The following COPA variants were observed in gnomAD, a reference collection of about 807,000 sequenced individuals.
COPA encodes coatomer subunit alpha.
Under a neutral mutation model 158.7 loss-of-function variants are expected in COPA, and 10 were observed. That is an observed-to-expected ratio of 0.06 (90% CI 0.04 to 0.11). COPA has a LOEUF of 0.11. Among genes scored for constraint, COPA ranks in the 10% least tolerant of loss-of-function variants. The probability of loss-of-function intolerance (pLI) is 1.00; values close to 1 mark genes in which losing one functional copy is unlikely to be tolerated. For synonymous variants in COPA, 462 were observed against 542.8 expected, an observed-to-expected ratio of 0.85 and a Z score of 2.07; for missense variants, 1,065 against 1,536.7, an observed-to-expected ratio of 0.69 and a Z score of 5.13.
Position 160,335,621 on chromosome 1 carries a change from T to C in COPA, c.229-299A>G, listed in dbSNP as rs556599615. On this transcript the variant is annotated intron_variant, in intron 3 of 32. Transcript: ENST00000241704. The stretch of plus-strand genomic sequence containing the variant: ...TTTTCAGGCTGGGCGTGGTCACTCA[T>C]GCCTGTAATCCCAGCACTTTGGGAG... Among the ~76,000 whole-genome samples the C allele has an allele frequency of 2.2e-3, 336 of 152,222 alleles. 1 individual carries two copies. Among genetic ancestry groups the C allele is most frequent in the Non-Finnish European group, 3.5e-3 (237 of 68,012 alleles).
intron 14 of COPA, among the ~76,000 whole-genome samples, chr1:160,306,924 AG>A (rs1168801017): frequency 6.6e-6 from 1 of 152,198 alleles, no homozygotes; most frequent in Non-Finnish European, 1.5e-5. Flanking sequence ...TGTAGTCAAG[AG>A]TGACTTTAGC....
chr1:160,319,267 T>G (rs1221352685), intron 8 of COPA, among the ~76,000 whole-genome samples: 1 of 151,600 alleles, frequency 6.6e-6, no homozygotes, highest in Non-Finnish European at 1.5e-5. Context: ...CTACCAAACC[T>G]AAGATTGTAA....
chr1:160,335,279 CCAAG>C lies in COPA; in HGVS notation c.268_271del (p.Leu90GlyfsTer3). On this transcript the variant is annotated frameshift_variant, in exon 4 of 33. Transcript: ENST00000241704. LOFTEE classifies it high-confidence loss of function. ...CGTGGTGCGAATATAATCTAAGTGC[CCAAG>C]CAATGTGAAAAGACAGCGCCGAAGC... The C allele has an allele frequency of 6.2e-7, 1 of 1,611,282 alleles. No individual in the cohort carries two copies. Among genetic ancestry groups the C allele is most frequent in the African/African-American group, 1.3e-5 (1 of 74,838 alleles).
In COPA at chr1:160,309,989, G is replaced by T. The variant is rs1218233790; in HGVS notation, c.1143+203C>A. On this transcript the variant is annotated intron_variant, in intron 12 of 32. Transcript: ENST00000241704. ...GATGCTCCATTAAGTTCAGCTTTAG[G>T]AAAGATAGGCAGTTCACAAATGCTC... 2.0e-5 allele frequency among the ~76,000 whole-genome samples: 3 copies of T among 152,112 alleles called. No individual in the cohort carries two copies. The East Asian group carries it at 5.8e-4, about 29-fold the overall frequency.
Position 160,289,051 on chromosome 1 carries a change from ACCTCCGCCTCCCGGGTTCAAGCAAT to A in COPA, c.*1081_*1105del, listed in dbSNP as rs1215470857. 1.3e-5 allele frequency among the ~76,000 whole-genome samples: 2 copies of A among 151,190 alleles called. No homozygotes were observed. Among genetic ancestry groups the A allele is most frequent in the Admixed American group, 6.6e-5 (1 of 15,196 alleles). ...GGTGGCGCGATCTCAGCTTACTGCA[ACCTCCGCCTCCCGGGTTCAAGCAAT>A]CCTCTGCCTCAGCCTCCAGAGTAGC... On this transcript the variant is annotated 3_prime_UTR_variant, in exon 33 of 33. Coordinates refer to ENST00000241704, the MANE Select transcript of COPA (RefSeq NM_004371.4).
In COPA at chr1:160,302,674, C is replaced by T. The variant is rs183995772; in HGVS notation, c.1667+2759G>A. ...GGTTCATGCCATTCTCCTGCATCAG[C>T]CTCCTGAGCAGCTGGGACTACAGGC... On this transcript the variant is annotated intron_variant, in intron 17 of 32. Coordinates refer to ENST00000241704, the MANE Select transcript of COPA (RefSeq NM_004371.4). 3.2e-3 allele frequency among the ~76,000 whole-genome samples: 478 copies of T among 151,570 alleles called. 11 individuals carry two copies. The highest frequency in any genetic ancestry group is 0.027 in the Admixed American group (416 of 15,216).
intron 8 of COPA, among the ~76,000 whole-genome samples, chr1:160,316,268 G>A (rs2101850092): frequency 6.6e-6 from 1 of 152,124 alleles, no homozygotes; most frequent in East Asian, 1.9e-4. Context: ...TGAGGCAGGA[G>A]AATCACTTGA....
At chr1:160,293,363 G>A (rs375029208) in intron 26 of COPA, 23 bp downstream of exon 26, 14 of 1,612,916 alleles carry the variant, frequency 8.7e-6, no homozygotes, top group African/African-American at 5.3e-5. Flanking sequence ...CATCCCTGCC[G>A]TGCTAGGTTT....
At chr1:160,321,775 G>A (rs188292339) in intron 8 of COPA, among the ~76,000 whole-genome samples, 14 of 152,142 alleles carry the variant, frequency 9.2e-5, no homozygotes, top group South Asian at 4.1e-4. Context: ...GCAATAGAGC[G>A]AGATCCTGTC....
intron 11 of COPA, 181 bp from the exon 12 acceptor site, chr1:160,310,439 T>G (rs779237035): frequency 4.3e-4 from 174 of 403,958 alleles, no homozygotes; most frequent in Non-Finnish European, 6.3e-4. Context: ...GCAACTTCCC[T>G]AGCTCAGCTT....
chr1:160,329,910 C>A (rs528910940), intron 6 of COPA, among the ~76,000 whole-genome samples: 8 of 152,132 alleles, frequency 5.3e-5, no homozygotes, highest in African/African-American at 1.9e-4. Flanking sequence ...GTCAGGAGTT[C>A]GAGACTAGCC....
Position 160,295,827 on chromosome 1 carries a change from G to T in COPA, c.2385C>A (p.Leu795=). The T allele has an allele frequency of 6.2e-7, 1 of 1,612,896 alleles. No individual in the cohort carries two copies. The highest frequency in any genetic ancestry group is 1.1e-5 in the South Asian group (1 of 90,764). The change falls in exon 23 of 33, where the codon CTC becomes CTA. Residue 795 remains leucine, a synonymous_variant. Coordinates refer to ENST00000241704, the MANE Select transcript of COPA (RefSeq NM_004371.4). ...ATGGCATGATAGGTGCAGGTGGCTG[G>T]AGCAGCTTGGCATTAGGGTCAATGT... is the stretch of plus-strand genomic sequence containing the variant. ...IPDIDPNAKL[L]QPPAPIMPLD...
At chr1:160,324,444 C>T (rs1659428653) in intron 7 of COPA, among the ~76,000 whole-genome samples, 1 of 147,402 alleles carries the variant, frequency 6.8e-6, no homozygotes, top group African/African-American at 2.6e-5. Context: ...GTGAGCACCA[C>T]CACGCCCAGC....
chr1:160,332,937 T>A (rs900577580), intron 5 of COPA, among the ~76,000 whole-genome samples: 3 of 152,188 alleles, frequency 2.0e-5, no homozygotes, highest in African/African-American at 7.2e-5. Context: ...TTGTTATTAT[T>A]TTTTTGAGAT....
chr1:160,290,946 C>A (rs534936529), intron 31 of COPA, among the ~76,000 whole-genome samples: 1 of 152,314 alleles, frequency 6.6e-6, no homozygotes, highest in African/African-American at 2.4e-5. Context: ...TTATCAGGGT[C>A]AGGTCCTAGA....
chr1:160,307,016 G>T, intron 14 of COPA, 147 bp downstream of exon 14: 1 of 776,358 alleles, frequency 1.3e-6, no homozygotes, highest in Admixed American at 1.8e-5. Flanking sequence ...AGGGCTTAGT[G>T]TAGGGCTAGA....
At chr1:160,340,013 A>T (rs763276780) in intron 2 of COPA, 31 bp from the exon 3 acceptor site, 1 of 1,609,058 alleles carries the variant, frequency 6.2e-7, no homozygotes, top group Non-Finnish European at 8.5e-7. Context: ...TGTATGTTAG[A>T]CAGAGCTATC....
chr1:160,318,133 G>T (rs1450144982), intron 8 of COPA, among the ~76,000 whole-genome samples: 1 of 152,142 alleles, frequency 6.6e-6, no homozygotes, highest in Non-Finnish European at 1.5e-5. Context: ...GTGGAAAAAT[G>T]ACCTTTCCTT....
chr1:160,336,303 A>T (rs1421189304), intron 3 of COPA, among the ~76,000 whole-genome samples: 1 of 151,402 alleles, frequency 6.6e-6, no homozygotes, highest in Non-Finnish European at 1.5e-5. Flanking sequence ...ACTGCACTCC[A>T]GCCTGGGCGA....
Sources: allele counts gnomAD v4.1 joint callset (sites outside exome capture counted in the v4.1 genomes callset), GRCh38; gene constraint gnomAD v4.1.1; transcripts MANE v1.5; gene names NCBI Gene and HGNC (gene_info 2026-07-23, HGNC 2026-07-21).